The following CCBE1 variants were observed in gnomAD, a reference collection of about 807,000 sequenced individuals.
The protein encoded by CCBE1 is collagen and calcium-binding EGF domain-containing protein 1.
In CCBE1, 37 loss-of-function variants were observed where a neutral mutation model predicts 50.0. The ratio of observed to expected loss-of-function variants is 0.74; its 90% CI spans 0.57 to 0.97. The LOEUF (loss-of-function observed/expected upper bound fraction) is 0.97, where lower values mean the gene tolerates loss of function less well. CCBE1 is among the 50% of genes least tolerant of loss of function. The probability of loss-of-function intolerance (pLI) is 0.00; values close to 1 mark genes in which losing one functional copy is unlikely to be tolerated. For missense variants in CCBE1, 538 were observed against 523.8 expected (o/e 1.03, Z -0.26); for synonymous variants, 234 against 203.7 (o/e 1.15, Z -1.27).
At chr18:59,654,580 C>T (rs893874714) in intron 2 of CCBE1, among the ~76,000 whole-genome samples, 3 of 151,762 alleles carry the variant, frequency 2.0e-5, no homozygotes, top group East Asian at 3.9e-4. Flanking sequence ...GCCGAGATCG[C>T]GCCACTGTAC....
chr18:59,445,762 G>T (rs1288981046), intron 7 of CCBE1, among the ~76,000 whole-genome samples: 1 of 152,072 alleles, frequency 6.6e-6, no homozygotes, highest in Non-Finnish European at 1.5e-5. Context: ...CAAAAAAGAG[G>T]CCAGAGATAA....
chr18:59,666,728 A>G (rs2054362504), intron 2 of CCBE1, among the ~76,000 whole-genome samples: 1 of 152,152 alleles, frequency 6.6e-6, no homozygotes, highest in Non-Finnish European at 1.5e-5. Flanking sequence ...GAACGTTGGG[A>G]GGCCGAGGTG....
At chr18:59,463,747 C>T (rs7244220) in intron 5 of CCBE1, among the ~76,000 whole-genome samples, 52,160 of 151,998 alleles carry the variant, frequency 0.34, 9,636 homozygotes, top group East Asian at 0.63. Context: ...GCGTTTGTTG[C>T]TGGGGTTCCC....
At chr18:59,500,549 G>C (rs1913569627) in intron 2 of CCBE1, among the ~76,000 whole-genome samples, 1 of 152,108 alleles carries the variant, frequency 6.6e-6, no homozygotes, top group African/African-American at 2.4e-5. Context: ...ATCCAGAACT[G>C]TCAATGACAC....
intron 2 of CCBE1, among the ~76,000 whole-genome samples, chr18:59,495,952 C>T (rs1913336351): frequency 3.3e-5 from 5 of 152,176 alleles, no homozygotes; most frequent in Admixed American, 3.3e-4. Context: ...AAGAGATGTT[C>T]CTGGTGTAGG....
At chr18:59,614,915 C>T (rs145066088) in intron 2 of CCBE1, among the ~76,000 whole-genome samples, 1 of 152,348 alleles carries the variant, frequency 6.6e-6, no homozygotes, top group East Asian at 1.9e-4. Context: ...CACACCTCTA[C>T]AACAAACCAT....
In CCBE1 at chr18:59,619,291, G is replaced by A. The variant is rs2053680712; in HGVS notation, c.212+77338C>T. Among the ~76,000 whole-genome samples, 3 of 152,220 alleles carry A rather than the reference G, an allele frequency of 2.0e-5. No individual in the cohort carries two copies. In the South Asian group the frequency reaches 6.2e-4, roughly 32 times the overall value. On this transcript the variant is annotated intron_variant, in intron 2 of 10. Coordinates refer to ENST00000439986, the MANE Select transcript of CCBE1 (RefSeq NM_133459.4). ...TTATGTTTTCCAAATTGAAAGCCAGGTGTATTTATTTATCATTATTATTTT... is the reference window on the plus strand; with the variant it reads ...TTATGTTTTCCAAATTGAAAGCCAGATGTATTTATTTATCATTATTATTTT...
At chr18:59,556,878 T>C (rs1357936020) in intron 2 of CCBE1, among the ~76,000 whole-genome samples, 1 of 152,256 alleles carries the variant, frequency 6.6e-6, no homozygotes, top group Non-Finnish European at 1.5e-5. Flanking sequence ...TTTCAAACTC[T>C]GCTGCATTTG....
chr18:59,450,956 G>C (rs562380337), intron 6 of CCBE1, among the ~76,000 whole-genome samples: 1 of 152,182 alleles, frequency 6.6e-6, no homozygotes, highest in East Asian at 1.9e-4. Flanking sequence ...ATGCTAGACC[G>C]AGCAGGTGCA....
intron 2 of CCBE1, among the ~76,000 whole-genome samples, chr18:59,508,095 G>A (rs1340241985): frequency 6.6e-6 from 1 of 151,732 alleles, no homozygotes; most frequent in Admixed American, 6.6e-5. Context: ...GTTTCACCGT[G>A]TCGGCCAGGA....
At position 59,473,247 on chromosome 18, in the gene CCBE1, A is replaced by C. The variant is rs369304043; in HGVS notation, c.266-3640T>G. Among the ~76,000 whole-genome samples, 258 of 152,328 alleles carry C rather than the reference A, an allele frequency of 1.7e-3. 2 individuals carry two copies. The highest frequency in any genetic ancestry group is 5.7e-3 in the African/African-American group (239 of 41,580). On this transcript the variant is annotated intron_variant, in intron 3 of 10. Coordinates refer to ENST00000439986, the MANE Select transcript of CCBE1 (RefSeq NM_133459.4). ...TGATTACTACTGATAGTCTGTGTAT[A>C]TAATTCTAGGTTGGAAAACTTTGCC...
chr18:59,644,323 T>C (rs1436484047), intron 2 of CCBE1, among the ~76,000 whole-genome samples: 4 of 152,062 alleles, frequency 2.6e-5, no homozygotes, highest in South Asian at 2.1e-4. Context: ...AGCCCAGGAG[T>C]TGGGGACCCC....
intron 2 of CCBE1, among the ~76,000 whole-genome samples, chr18:59,521,715 T>A (rs1169006235): frequency 6.6e-6 from 1 of 152,162 alleles, no homozygotes; most frequent in African/African-American, 2.4e-5. Context: ...TGCCACTCGA[T>A]CTGTTTTTGT....
At position 59,469,498 on chromosome 18, in the gene CCBE1, C is replaced by T; in HGVS notation, c.375G>A (p.Arg125=). The T allele has an allele frequency of 5.0e-6, 8 of 1,614,210 alleles. No individual in the cohort carries two copies. Among genetic ancestry groups the T allele is most frequent in the Non-Finnish European group, 6.8e-6 (8 of 1,180,042 alleles). The change falls in exon 4 of 11, where the codon CGG becomes CGA. Residue 125 remains arginine (R), a synonymous_variant. Coordinates refer to ENST00000439986, the MANE Select transcript of CCBE1 (RefSeq NM_133459.4). Reference sequence around the variant, plus strand: ...CCAGACAGTATGGCTTCTCCCGCTTCCGGTGTCTCTCCCGGTCATATCGGT... The same window carrying T: ...CCAGACAGTATGGCTTCTCCCGCTTTCGGTGTCTCTCCCGGTCATATCGGT... ...PGYRYDRERH[R]KREKPYCLDI... is the part of the protein sequence containing the mutation.
chr18:59,619,828 C>A (rs1381074606), intron 2 of CCBE1, among the ~76,000 whole-genome samples: 1 of 152,106 alleles, frequency 6.6e-6, no homozygotes, highest in East Asian at 1.9e-4. Context: ...TTAAACTATT[C>A]CAGCTGAATT....
At chr18:59,697,127 G>A (rs1427359144) in intron 1 of CCBE1, 85 bp downstream of exon 1, 14 of 1,529,096 alleles carry the variant, frequency 9.2e-6, no homozygotes, top group African/African-American at 2.8e-5. Flanking sequence ...TGTGGGAGTG[G>A]GCGCCGGGGA....
At chr18:59,620,289 C>A (rs188884909) in intron 2 of CCBE1, among the ~76,000 whole-genome samples, 5 of 152,228 alleles carry the variant, frequency 3.3e-5, no homozygotes, top group Admixed American at 6.5e-5. Flanking sequence ...ACAAGACAAC[C>A]CTGCTGTTTC....
chr18:59,529,421 G>A (rs1914961712), intron 2 of CCBE1, among the ~76,000 whole-genome samples: 1 of 152,252 alleles, frequency 6.6e-6, no homozygotes, highest in Non-Finnish European at 1.5e-5. Flanking sequence ...GTCTTAGGCA[G>A]TCTACAGCCA....
intron 6 of CCBE1, among the ~76,000 whole-genome samples, chr18:59,454,162 T>G (rs1911069360): frequency 6.6e-6 from 1 of 152,208 alleles, no homozygotes; most frequent in African/African-American, 2.4e-5. Flanking sequence ...GTACAGATCT[T>G]AGATAAAATA....
Sources: allele counts gnomAD v4.1 joint callset (sites outside exome capture counted in the v4.1 genomes callset), GRCh38; gene constraint gnomAD v4.1.1; transcripts MANE v1.5; gene names NCBI Gene and HGNC (gene_info 2026-07-23, HGNC 2026-07-21).